The following DRC1 variants were observed in gnomAD, a reference collection of about 807,000 sequenced individuals.
The protein encoded by DRC1 is dynein regulatory complex subunit 1.
Under a neutral mutation model 98.7 loss-of-function variants are expected in DRC1, and 74 were observed. The observed-to-expected ratio is 0.75, with a 90% CI of 0.62 to 0.91. The LOEUF (loss-of-function observed/expected upper bound fraction) is 0.91, where lower values mean the gene tolerates loss of function less well. DRC1 is among the 40% of genes least tolerant of loss of function. DRC1 has a pLI of 0.00. For missense variants in DRC1, 875 were observed against 886.0 expected, an observed-to-expected ratio of 0.99 and a Z score of 0.16; for synonymous variants, 336 against 334.1, an observed-to-expected ratio of 1.01 and a Z score of -0.06.
chr2:26,409,116 G>T (rs1394158907), intron 1 of DRC1, among the ~76,000 whole-genome samples: 1 of 148,560 alleles, frequency 6.7e-6, no homozygotes, highest in African/African-American at 2.5e-5. Context: ...TTTTTTTTTA[G>T]AGATGGAGTC....
intron 4 of DRC1, among the ~76,000 whole-genome samples, chr2:26,426,610 A>G (rs892413008): frequency 6.6e-6 from 1 of 151,730 alleles, no homozygotes; most frequent in Non-Finnish European, 1.5e-5. Context: ...CAGGTGACCC[A>G]CCTACCTCAG....
chr2:26,427,616 A>G (rs560814793), intron 4 of DRC1, among the ~76,000 whole-genome samples: 1 of 152,258 alleles, frequency 6.6e-6, no homozygotes, highest in African/African-American at 2.4e-5. Flanking sequence ...AATGTACAAT[A>G]AATCTAGCTG....
chr2:26,441,852 C>G (rs886709948), intron 8 of DRC1, among the ~76,000 whole-genome samples: 1 of 152,170 alleles, frequency 6.6e-6, no homozygotes, highest in Non-Finnish European at 1.5e-5. Flanking sequence ...TTCAACGGAC[C>G]CTGCTGTTTC....
At chr2:26,405,997 G>A (rs867593759) in intron 1 of DRC1, among the ~76,000 whole-genome samples, 7 of 152,138 alleles carry the variant, frequency 4.6e-5, no homozygotes, top group South Asian at 2.1e-4. Context: ...CGCATTGTGC[G>A]TAAGTGAGCT....
intron 7 of DRC1, among the ~76,000 whole-genome samples, chr2:26,434,388 A>G (rs912925028): frequency 6.6e-5 from 10 of 152,246 alleles, no homozygotes; most frequent in Admixed American, 6.5e-4. Flanking sequence ...TGATGCAGGA[A>G]GCAAATGTTT....
rs1037162230 is a variant in DRC1 at position 26,429,767 on chromosome 2, T to C, written c.678+2T>C. The C allele has an allele frequency of 6.2e-7, 1 of 1,613,668 alleles. No individual in the cohort carries two copies. Among genetic ancestry groups the C allele is most frequent in the Non-Finnish European group, 8.5e-7 (1 of 1,179,806 alleles). ...CGTGAGGAGCTCTATAACATTGAGGTAACAGGGTGTGAAAAGACCTGGTTT... is the reference window on the plus strand; with the variant it reads ...CGTGAGGAGCTCTATAACATTGAGGCAACAGGGTGTGAAAAGACCTGGTTT... On this transcript the variant is annotated splice_donor_variant, in intron 5 of 16. Coordinates refer to ENST00000288710, the MANE Select transcript of DRC1 (RefSeq NM_145038.5). LOFTEE classifies it high-confidence loss of function.
At chr2:26,445,028 T>G in intron 10 of DRC1, 80 bp downstream of exon 10, 6 of 1,427,440 alleles carry the variant, frequency 4.2e-6, no homozygotes, top group Non-Finnish European at 5.7e-6. Flanking sequence ...ACGTTAGAGA[T>G]AGTCTAGGGA....
At chr2:26,421,551 C>T in intron 3 of DRC1, 151 bp downstream of exon 3, 1 of 339,730 alleles carries the variant, frequency 2.9e-6, no homozygotes, top group Non-Finnish European at 5.2e-6. Flanking sequence ...CCTCTTCTTT[C>T]TCTCTCTTTT....
intron 4 of DRC1, among the ~76,000 whole-genome samples, chr2:26,429,184 TGATTA>T (rs1663364001): frequency 3.1e-4 from 1 of 3,260 alleles, no homozygotes; most frequent in African/African-American, 1.4e-3. Context: ...TTTGTACAGA[TGATTA>T]TTATTATTAT....
At chr2:26,456,083 CCA>C (rs1664158985) in intron 16 of DRC1, among the ~76,000 whole-genome samples, 1 of 152,144 alleles carries the variant, frequency 6.6e-6, no homozygotes, top group African/African-American at 2.4e-5. Flanking sequence ...GTGACAGGAC[CCA>C]GACATTCTGG....
In DRC1 at chr2:26,453,372, G is replaced by A. The variant is rs762515156; in HGVS notation, c.1742G>A (p.Ser581Asn). ...SMEKASMEET[S>N]TRSELELAEQ... ...GAGAAGGCGAGCATGGAGGAGACAA[G>A]CACGAGGTCAGAATTGGAGCTGGCA... Residue 581 changes from serine to asparagine, a missense_variant, in exon 14 of 17, where the codon AGC (serine) becomes AAC (asparagine). Transcript: ENST00000288710. 3.7e-6 allele frequency: 6 copies of A among 1,614,078 alleles called. No homozygotes were observed. Among genetic ancestry groups the A allele is most frequent in the Non-Finnish European group, 5.1e-6 (6 of 1,180,054 alleles).
chr2:26,429,531 C>T lies in DRC1; in HGVS notation c.541-97C>T. On this transcript the variant is annotated intron_variant, in intron 4 of 16. Coordinates refer to ENST00000288710, the MANE Select transcript of DRC1 (RefSeq NM_145038.5). ...CTCTTTGTACAGTTTCATGTCCTAA[C>T]ATTGACAGATTCTGGTGAGAGGAGT... The T allele has an allele frequency of 2.0e-6, 3 of 1,483,746 alleles. No individual in the cohort carries two copies. The South Asian group carries it at 3.8e-5, about 19-fold the overall frequency. 91.9% of individuals were successfully genotyped at this position (1,483,746 alleles called of 1,614,324 possible).
intron 7 of DRC1, among the ~76,000 whole-genome samples, 182 bp from the exon 8 acceptor site, chr2:26,440,196 A>C (rs374019075): frequency 7.2e-5 from 11 of 151,758 alleles, no homozygotes; most frequent in African/African-American, 1.9e-4. Context: ...ATAAACAGAC[A>C]TAAACAGGAT....
At chr2:26,449,950 C>T (rs780300172) in intron 11 of DRC1, 46 bp from the exon 12 acceptor site, 6 of 1,584,278 alleles carry the variant, frequency 3.8e-6, no homozygotes, top group Non-Finnish European at 4.3e-6. Context: ...GGGACTCGCT[C>T]CTGAAACCTG....
chr2:26,453,484 G>C lies in DRC1; in HGVS notation c.1854G>C (p.Trp618Cys), dbSNP rs1226508678. 6.2e-7 allele frequency: 1 copy of C among 1,614,114 alleles called. No homozygotes were observed. Among genetic ancestry groups the C allele is most frequent in the African/African-American group, 1.3e-5 (1 of 75,044 alleles). ...AGGAGGAGACCCCACCCTCCCCCTGGGTCATCCACCCCAATGATGTCCTCA... is the reference window on the plus strand; with the variant it reads ...AGGAGGAGACCCCACCCTCCCCCTGCGTCATCCACCCCAATGATGTCCTCA... ...EEEEETPPSPWVIHPNDVLKI... is the reference protein window; with the variant it reads ...EEEEETPPSPCVIHPNDVLKI... The change falls in exon 14 of 17, where the codon TGG becomes TGC. Residue 618 changes from tryptophan (W) to cysteine (C), a missense_variant. Physicochemically the swap from Trp to Cys is radical, Grantham distance 215. Transcript: ENST00000288710.
At position 26,429,766 on chromosome 2, in the gene DRC1, G is replaced by A; in HGVS notation, c.678+1G>A. On this transcript the variant is annotated splice_donor_variant, in intron 5 of 16. Coordinates refer to ENST00000288710, the MANE Select transcript of DRC1 (RefSeq NM_145038.5). LOFTEE classifies it high-confidence loss of function. ...TCGTGAGGAGCTCTATAACATTGAGGTAACAGGGTGTGAAAAGACCTGGTT... is the reference window on the plus strand; with the variant it reads ...TCGTGAGGAGCTCTATAACATTGAGATAACAGGGTGTGAAAAGACCTGGTT... The A allele has an allele frequency of 6.2e-7, 1 of 1,613,874 alleles. No homozygotes were observed. Among genetic ancestry groups the A allele is most frequent in the Non-Finnish European group, 8.5e-7 (1 of 1,179,878 alleles).
At chr2:26,429,544 T>C (rs1663377574) in intron 4 of DRC1, 84 bp from the exon 5 acceptor site, 4 of 1,528,658 alleles carry the variant, frequency 2.6e-6, no homozygotes, top group Non-Finnish European at 3.5e-6. Context: ...TGACAGATTC[T>C]GGTGAGAGGA....
In DRC1 at chr2:26,454,772, C is replaced by T. The variant is rs377090460; in HGVS notation, c.2045C>T (p.Thr682Ile). ...SKQNLWDALY[T>I]ALEKYHLVLT... Reference sequence around the variant, plus strand: ...CAGAACCTCTGGGATGCCCTCTACACAGCCTTGGAGAAGTACCAGTAAGTG... The same window carrying T: ...CAGAACCTCTGGGATGCCCTCTACATAGCCTTGGAGAAGTACCAGTAAGTG... The change falls in exon 15 of 17, where the codon ACA becomes ATA. Residue 682 changes from threonine (T) to isoleucine (I), a missense_variant. Physicochemically the swap from Thr to Ile is moderately conservative, Grantham distance 89. Transcript: ENST00000288710. The surrounding 1 kb of genome is among the most constrained non-coding windows in gnomAD (Gnocchi z 5.2). The T allele has an allele frequency of 1.2e-6, 2 of 1,614,162 alleles. No individual in the cohort carries two copies. The highest frequency in any genetic ancestry group is 3.3e-4 in the Middle Eastern group (2 of 6,062).
chr2:26,414,122 A>G (rs1292959495), intron 1 of DRC1, among the ~76,000 whole-genome samples: 1 of 116,990 alleles, frequency 8.5e-6, no homozygotes, highest in African/African-American at 3.2e-5. Flanking sequence ...AACCATTATT[A>G]TTATTATTAT....
Sources: gnomAD v4.1 joint callset for allele counts (sites outside exome capture counted in the v4.1 genomes callset) on GRCh38, gnomAD v4.1.1 for gene constraint, Gnocchi (gnomAD v3.1) non-coding constraint, MANE v1.5 for transcripts, NCBI Gene and HGNC (gene_info 2026-07-23, HGNC 2026-07-21) for gene names.